The following ATG14 variants were observed in gnomAD, a reference collection of about 807,000 sequenced individuals.
The protein encoded by ATG14 is autophagy related 14, also known as beclin 1-associated autophagy-related key regulator.
A neutral mutation model predicts 60.4 loss-of-function variants in ATG14; 35 were observed. That is an observed-to-expected ratio of 0.58 (90% CI 0.44 to 0.77). The LOEUF is 0.77. Ranked by LOEUF, ATG14 falls within the 30% of genes least tolerant of loss-of-function variation. ATG14 has a pLI of 0.00. For synonymous variants in ATG14, 234 were observed against 228.8 expected, an observed-to-expected ratio of 1.02 and a Z score of -0.21; for missense variants, 647 against 626.3, an observed-to-expected ratio of 1.03 and a Z score of -0.35.
At chr14:55,395,888 C>A in intron 3 of ATG14, 52 bp downstream of exon 3, 1 of 1,318,500 alleles carries the variant, frequency 7.6e-7, no homozygotes, top group Non-Finnish European at 1.0e-6. Flanking sequence ...ATAAGCTCTA[C>A]CAACTTAAAA....
Position 55,411,615 on chromosome 14 carries a change from G to A in ATG14, c.208C>T (p.Arg70Cys). ...CGGCCGCCGTACCTCTCCCGGTCGC[G>A]GCCGTCGAAGTAGACGAAATCGCCG... ...QSGDFVYFDG[R>C]DRERFIDKKE... The change falls in exon 1 of 10, where the codon CGC becomes TGC. Residue 70 changes from arginine (R) to cysteine (C), a missense_variant. Coordinates refer to ENST00000247178, the MANE Select transcript of ATG14 (RefSeq NM_014924.5). The A allele has an allele frequency of 2.5e-6, 4 of 1,609,460 alleles. No homozygotes were observed. In the South Asian group the frequency reaches 3.3e-5, roughly 13 times the overall value.
intron 6 of ATG14, among the ~76,000 whole-genome samples, chr14:55,381,162 C>T (rs1885027411): frequency 6.6e-6 from 1 of 152,084 alleles, no homozygotes; most frequent in Admixed American, 6.5e-5. Flanking sequence ...TCCTACCTTT[C>T]TCCCCTGAGA....
chr14:55,375,691 CAAT>C (rs1255266526), intron 9 of ATG14, among the ~76,000 whole-genome samples: 2 of 151,948 alleles, frequency 1.3e-5, no homozygotes, highest in Non-Finnish European at 2.9e-5. Context: ...ATATCCAGTT[CAAT>C]AATTATACCA....
At chr14:55,388,790 T>C (rs1885166348) in intron 4 of ATG14, among the ~76,000 whole-genome samples, 1 of 152,168 alleles carries the variant, frequency 6.6e-6, no homozygotes, top group Non-Finnish European at 1.5e-5. Flanking sequence ...AGGAGACATG[T>C]ACATTCTAAA....
chr14:55,380,874 TA>T (rs1455369499), intron 6 of ATG14, among the ~76,000 whole-genome samples, 184 bp from the exon 7 acceptor site: 33 of 99,900 alleles, frequency 3.3e-4, no homozygotes, highest in African/African-American at 1.1e-3. Context: ...TATATATATA[TA>T]TTTTTTTTTT....
intron 6 of ATG14, 53 bp from the exon 7 acceptor site, chr14:55,380,743 CTAA>C: frequency 1.6e-6 from 2 of 1,229,074 alleles, no homozygotes; most frequent in Non-Finnish European, 1.2e-6. Context: ...AACAAAACTA[CTAA>C]TAATCCACGA....
Position 55,400,701 on chromosome 14 carries a change from G to A in ATG14, c.222-3267C>T, listed in dbSNP as rs553229839. Among the ~76,000 whole-genome samples, 20 of 152,180 alleles carry A rather than the reference G, an allele frequency of 1.3e-4. No individual in the cohort carries two copies. The South Asian group carries it at 3.5e-3, about 27-fold the overall frequency. On this transcript the variant is annotated intron_variant, in intron 1 of 9. Transcript: ENST00000247178. ...GTGGATCACCTGAGGTCAGGAGTTC[G>A]AGACCAGCCAGGCCAACATGGCGAA...
intron 1 of ATG14, among the ~76,000 whole-genome samples, chr14:55,402,926 A>AATATAT: frequency 0.013 from 216 of 16,320 alleles, 3 homozygotes; most frequent in Middle Eastern, 0.091. Context: ...AAAAAAAAAA[A>AATATAT]ATATATATAT....
rs578095055 is a variant in ATG14, at chr14:55,400,592, A to G, written c.222-3158T>C. Among the ~76,000 whole-genome samples, 50 of 152,264 alleles carry G rather than the reference A, an allele frequency of 3.3e-4. 1 individual carries two copies. Among genetic ancestry groups the G allele is most frequent in the African/African-American group, 1.2e-3 (50 of 41,548 alleles). ...CTTTTATAGGCTTTCAAGTTTCTCC[A>G]TGAGAAATTCCTACAAATAAAATAA... On this transcript the variant is annotated intron_variant, in intron 1 of 9. Coordinates refer to ENST00000247178, the MANE Select transcript of ATG14 (RefSeq NM_014924.5).
At chr14:55,399,638 T>A (rs1241891752) in intron 1 of ATG14, among the ~76,000 whole-genome samples, 2 of 152,244 alleles carry the variant, frequency 1.3e-5, no homozygotes, top group Non-Finnish European at 2.9e-5. Flanking sequence ...TTTCCTTGTA[T>A]CAAAAATGAG....
chr14:55,393,260 C>T lies in ATG14; in HGVS notation c.328-2268G>A, dbSNP rs922173848. On this transcript the variant is annotated intron_variant, in intron 3 of 9. Transcript: ENST00000247178. Reference sequence around the variant, plus strand: ...CTTAGCCGGGCGTGGTGGTGGGCGCCTGTAGTCCCAGCTACTCGGGAGGCT... The same window carrying T: ...CTTAGCCGGGCGTGGTGGTGGGCGCTTGTAGTCCCAGCTACTCGGGAGGCT... Among the ~76,000 whole-genome samples, 48 of 152,140 alleles carry T rather than the reference C, an allele frequency of 3.2e-4. No individual in the cohort carries two copies. The East Asian group carries it at 9.3e-3, about 29-fold the overall frequency.
chr14:55,410,267 G>A (rs546089455), intron 1 of ATG14, among the ~76,000 whole-genome samples: 1 of 152,178 alleles, frequency 6.6e-6, no homozygotes, highest in Non-Finnish European at 1.5e-5. Flanking sequence ...GAGAAGACTA[G>A]GTTGGAGATA....
At chr14:55,389,891 G>C (rs1885185006) in intron 4 of ATG14, among the ~76,000 whole-genome samples, 1 of 151,990 alleles carries the variant, frequency 6.6e-6, no homozygotes, top group African/African-American at 2.4e-5. Context: ...AACGATCTAT[G>C]ATAAAGTATA....
intron 7 of ATG14, among the ~76,000 whole-genome samples, chr14:55,380,093 C>A (rs115876956): frequency 0.014 from 2,096 of 152,118 alleles, 56 homozygotes; most frequent in African/African-American, 0.048. Context: ...CCTAGAAATA[C>A]AAAAATTAGC....
intron 9 of ATG14, among the ~76,000 whole-genome samples, chr14:55,373,211 T>C (rs374021714): frequency 6.6e-6 from 1 of 152,240 alleles, no homozygotes; most frequent in African/African-American, 2.4e-5. Context: ...GAATAATGGA[T>C]ATCTTTTTAT....
intron 9 of ATG14, among the ~76,000 whole-genome samples, chr14:55,376,124 A>T (rs1407788358): frequency 6.6e-6 from 1 of 152,188 alleles, no homozygotes; most frequent in Non-Finnish European, 1.5e-5. Flanking sequence ...CCAGGTGTGC[A>T]CTGAGACCCT....
intron 4 of ATG14, among the ~76,000 whole-genome samples, chr14:55,389,960 A>G (rs1263447900): frequency 4.0e-5 from 6 of 149,952 alleles, no homozygotes; most frequent in East Asian, 3.9e-4. Context: ...TCACTAAGGG[A>G]AAAAAAAAAC....
chr14:55,383,695 C>T lies in ATG14; in HGVS notation c.648-1504G>A, dbSNP rs530789341. Among the ~76,000 whole-genome samples the T allele has an allele frequency of 8.6e-5, 13 of 151,894 alleles. No homozygotes were observed. In the South Asian group the frequency reaches 2.5e-3, roughly 29 times the overall value. On this transcript the variant is annotated intron_variant, in intron 5 of 9. Coordinates refer to ENST00000247178, the MANE Select transcript of ATG14 (RefSeq NM_014924.5). ...AAGGCAGGTGGACTGCTTGAGCTCA[C>T]GAATGGTGCTATAATCATACCATTG...
rs1885118052 is a variant in ATG14, at chr14:55,385,917, G to A, written c.589C>T (p.His197Tyr). The A allele has an allele frequency of 6.2e-7, 1 of 1,614,004 alleles. No homozygotes were observed. The highest frequency in any genetic ancestry group is 1.7e-5 in the Admixed American group (1 of 59,986). Residue 197 changes from histidine to tyrosine, a missense_variant, in exon 5 of 10, where the codon CAT becomes TAT. His to Tyr is a moderately conservative substitution (Grantham distance 83, BLOSUM62 2). Transcript: ENST00000247178. ...ATGACAGAGGTGAGCTCTAATATAT[G>A]GGATCGTCGAAGATTTGCCAGACGC... ...YERLANLRRS[H>Y]ILELTSVIFP... is the part of the protein sequence containing the mutation.
Sources: allele counts gnomAD v4.1 joint callset (sites outside exome capture counted in the v4.1 genomes callset), GRCh38; gene constraint gnomAD v4.1.1; transcripts MANE v1.5; gene names NCBI Gene and HGNC (gene_info 2026-07-23, HGNC 2026-07-21).